Variants in COBL observed in about 807,000 individuals in gnomAD.
COBL encodes the protein protein cordon-bleu.
COBL carries 51 observed loss-of-function variants against 98.8 expected under a neutral mutation model. That is an observed-to-expected ratio of 0.52 (90% CI 0.41 to 0.65). The LOEUF is 0.65. COBL is among the 30% of genes least tolerant of loss of function. The pLI is 0.00. For synonymous variants in COBL, 634 were observed against 651.7 expected (o/e 0.97, Z 0.41); for missense variants, 1,617 against 1,617.5 (o/e 1.00, Z 0.01).
At chr7:51,107,092 GTTTTTTTTTT>G (rs1160414563) in intron 6 of COBL, among the ~76,000 whole-genome samples, 1 of 63,372 alleles carries the variant, frequency 1.6e-5, no homozygotes, top group Non-Finnish European at 3.8e-5. Context: ...TAGTTTGTTT[GTTTTTTTTTT>G]TTTTTTTTTT....
chr7:51,061,972 C>T (rs1304071138), intron 7 of COBL, among the ~76,000 whole-genome samples: 1 of 151,694 alleles, frequency 6.6e-6, no homozygotes, highest in Non-Finnish European at 1.5e-5. Flanking sequence ...CACACACACA[C>T]ACACACACAC....
rs181845072 is a variant in COBL, at chr7:51,091,073, G to A, written c.958-5769C>T. ...TTATTACACTGTAAGAAGCCAGTCC[G>A]TAAAGGCTGGAAGAGGTGGCTATTT... On this transcript the variant is annotated intron_variant, in intron 6 of 12. Coordinates refer to ENST00000265136, the MANE Select transcript of COBL (RefSeq NM_015198.5). Among the ~76,000 whole-genome samples, 14 of 152,344 alleles carry A rather than the reference G, an allele frequency of 9.2e-5. No homozygotes were observed. In the East Asian group the frequency reaches 2.1e-3, roughly 23 times the overall value.
intron 8 of COBL, chr7:51,036,038 C>T (rs1181463717): frequency 6.6e-6 from 1 of 152,182 alleles, no homozygotes; most frequent in African/African-American, 2.4e-5. Flanking sequence ...ATGCTCAACT[C>T]CTTTGTATAA....
In COBL at chr7:51,208,434, G is replaced by A. The variant is rs1213527011; in HGVS notation, c.245+11307C>T. Among the ~76,000 whole-genome samples, 3 of 48,074 alleles carry A rather than the reference G, an allele frequency of 6.2e-5. No homozygotes were observed. In the Admixed American group the frequency reaches 7.4e-4, roughly 12 times the overall value. The allele number at this position is 48,074 out of a possible 152,430, so 31.5% of individuals were successfully genotyped here. ...GGCCAGCCGCCCCGTCCGGGAGGGA[G>A]GTGGGGGGGGTCAGCCCCCCGCCCG... On this transcript the variant is annotated intron_variant, in intron 2 of 12. Coordinates refer to ENST00000265136, the MANE Select transcript of COBL (RefSeq NM_015198.5).
At chr7:51,056,812 AACACACACACACACACAC>A (rs3047115) in intron 7 of COBL, among the ~76,000 whole-genome samples, 1 of 143,574 alleles carries the variant, frequency 7.0e-6, no homozygotes, top group African/African-American at 2.6e-5. Flanking sequence ...GTGCTCTCCC[AACACACACACACACACAC>A]ACACACACAC....
intron 1 of COBL, among the ~76,000 whole-genome samples, chr7:51,307,567 TA>T (rs1268021639): frequency 2.6e-5 from 4 of 152,262 alleles, no homozygotes; most frequent in Non-Finnish European, 5.9e-5. Flanking sequence ...GGTCCTCCTT[TA>T]GAAAAATCTA....
chr7:51,017,372 AT>A lies in COBL; in HGVS notation c.*178del. On this transcript the variant is annotated 3_prime_UTR_variant, in exon 13 of 13. Transcript: ENST00000265136. ...CACACGAGCTGCGCAGCGACACAGC[AT>A]CTTCTCCTTTCCTTTCAAGCCGTTA... 1.5e-6 allele frequency: 1 copy of A among 657,024 alleles called. No individual in the cohort carries two copies. Among genetic ancestry groups the A allele is most frequent in the South Asian group, 1.8e-5 (1 of 56,798 alleles). The allele number at this position is 657,024 out of a possible 1,614,324, so 40.7% of individuals were successfully genotyped here. A position where few individuals can be genotyped will look rare whatever the true frequency, so the allele number is the denominator to read the frequency against.
rs1790325992 is a variant in COBL, at chr7:51,193,590, C to T, written c.246-1G>A. ...AACCAGTAGGTCCATCATCGCATGGCTGAAAAAAGGAAAACAAATCATGAT... is the reference window on the plus strand; with the variant it reads ...AACCAGTAGGTCCATCATCGCATGGTTGAAAAAAGGAAAACAAATCATGAT... On this transcript the variant is annotated splice_acceptor_variant, in intron 2 of 12. Transcript: ENST00000265136. LOFTEE classifies it high-confidence loss of function. The T allele has an allele frequency of 6.2e-7, 1 of 1,613,266 alleles. No individual in the cohort carries two copies. Among genetic ancestry groups the T allele is most frequent in the Non-Finnish European group, 8.5e-7 (1 of 1,179,616 alleles).
chr7:51,057,337 C>T (rs1027736596), intron 7 of COBL, among the ~76,000 whole-genome samples: 18 of 151,328 alleles, frequency 1.2e-4, no homozygotes, highest in African/African-American at 4.4e-4. Context: ...CACACATACA[C>T]ACACACACAC....
At chr7:51,266,942 G>A (rs1441131693) in intron 1 of COBL, among the ~76,000 whole-genome samples, 2 of 152,060 alleles carry the variant, frequency 1.3e-5, no homozygotes, top group Non-Finnish European at 2.9e-5. Flanking sequence ...AATGCCCTCT[G>A]CTTCTTAATA....
chr7:51,246,310 C>T (rs1563083964), intron 1 of COBL, among the ~76,000 whole-genome samples: 1 of 152,162 alleles, frequency 6.6e-6, no homozygotes. Context: ...TCTCCATCAG[C>T]AGGGGCCGCC....
chr7:51,200,216 C>A (rs1790987810), intron 2 of COBL, among the ~76,000 whole-genome samples: 1 of 152,166 alleles, frequency 6.6e-6, no homozygotes, highest in Non-Finnish European at 1.5e-5. Flanking sequence ...CCTGTCAAAA[C>A]TAGGAAGTTT....
At chr7:51,160,585 G>T (rs765557853) in intron 5 of COBL, among the ~76,000 whole-genome samples, 1 of 152,178 alleles carries the variant, frequency 6.6e-6, no homozygotes, top group Non-Finnish European at 1.5e-5. Flanking sequence ...TCCTTCCTGT[G>T]CTTGGCACTC....
chr7:51,114,536 T>C (rs1204883683), intron 6 of COBL, among the ~76,000 whole-genome samples: 1 of 152,188 alleles, frequency 6.6e-6, no homozygotes, highest in Non-Finnish European at 1.5e-5. Context: ...ACAGTAAATC[T>C]GGAGAGAGAT....
intron 6 of COBL, among the ~76,000 whole-genome samples, chr7:51,086,645 AGAGT>A (rs946514554): frequency 2.0e-5 from 3 of 151,988 alleles, no homozygotes; most frequent in African/African-American, 7.3e-5. Context: ...AGAGAGAGAG[AGAGT>A]GTGTGTGTGT....
chr7:51,135,782 T>C (rs1190535196), intron 6 of COBL, among the ~76,000 whole-genome samples: 3 of 152,206 alleles, frequency 2.0e-5, no homozygotes, highest in African/African-American at 7.2e-5. Context: ...TCTGTAAATG[T>C]TGGCATTTGT....
intron 1 of COBL, among the ~76,000 whole-genome samples, chr7:51,265,804 C>G (rs1367873234): frequency 6.6e-6 from 1 of 152,192 alleles, no homozygotes. Flanking sequence ...CAACTGTCCA[C>G]GTGGACTGGC....
chr7:51,035,535 C>G (rs892988750), intron 8 of COBL: 12 of 152,134 alleles, frequency 7.9e-5, no homozygotes, highest in Non-Finnish European at 1.6e-4. Context: ...TTAACCTCCC[C>G]CTTCCATTTG....
intron 2 of COBL, among the ~76,000 whole-genome samples, chr7:51,203,347 A>G (rs1791333683): frequency 7.2e-6 from 1 of 139,826 alleles, no homozygotes; most frequent in Non-Finnish European, 1.5e-5. Flanking sequence ...CTGTAGTCCC[A>G]GCTACTCGGG....
Sources: gnomAD v4.1 joint callset for allele counts (sites outside exome capture counted in the v4.1 genomes callset) on GRCh38, gnomAD v4.1.1 for gene constraint, MANE v1.5 for transcripts, NCBI Gene and HGNC (gene_info 2026-07-23, HGNC 2026-07-21) for gene names.